CEP126: variants seen among roughly 807,000 people sequenced by gnomAD.
The protein encoded by CEP126 is centrosomal protein of 126 kDa.
A neutral mutation model predicts 107.8 loss-of-function variants in CEP126; 74 were observed. The observed-to-expected ratio is 0.69, with a 90% CI of 0.57 to 0.83. The LOEUF (loss-of-function observed/expected upper bound fraction) is 0.83, where lower values mean the gene tolerates loss of function less well. CEP126 is among the 40% of genes least tolerant of loss of function. The probability of loss-of-function intolerance (pLI) is 0.00; values close to 1 mark genes in which losing one functional copy is unlikely to be tolerated. For synonymous variants in CEP126, 449 were observed against 446.0 expected (o/e 1.01, Z -0.08); for missense variants, 1,237 against 1,281.9 (o/e 0.96, Z 0.53).
At chr11:101,970,839 A>G (rs762766750) in intron 6 of CEP126, among the ~76,000 whole-genome samples, 2 of 152,200 alleles carry the variant, frequency 1.3e-5, no homozygotes, top group African/African-American at 2.4e-5. Flanking sequence ...TAATATTCTT[A>G]CGCCCATTTT....
In CEP126 at chr11:101,987,079, AT is replaced by A. The variant is rs1180962012; in HGVS notation, c.3244+41del. On this transcript the variant is annotated intron_variant, in intron 9 of 10. Transcript: ENST00000263468. ...GAACACCTTTTATAAGAAATACTGCATTTATACTTAGACAATTTTAATTTAA... is the reference window on the plus strand; with the variant it reads ...GAACACCTTTTATAAGAAATACTGCATTATACTTAGACAATTTTAATTTAA... 3 of 1,303,742 alleles carry A rather than the reference AT, an allele frequency of 2.3e-6. No homozygotes were observed. The South Asian group carries it at 3.8e-5, about 17-fold the overall frequency. 80.8% of individuals were successfully genotyped at this position (1,303,742 alleles called of 1,614,324 possible).
chr11:101,970,557 T>C (rs1005291741), intron 6 of CEP126, among the ~76,000 whole-genome samples: 1 of 152,186 alleles, frequency 6.6e-6, no homozygotes, highest in East Asian at 1.9e-4. Context: ...TCCTTTTTTT[T>C]TTTAAGCCAA....
intron 1 of CEP126, among the ~76,000 whole-genome samples, chr11:101,917,813 A>G (rs1940250909): frequency 6.6e-6 from 1 of 152,114 alleles, no homozygotes; most frequent in Non-Finnish European, 1.5e-5. Context: ...TGCCTCAGCC[A>G]CTCAATAACT....
At chr11:101,950,005 T>C (rs568009056) in intron 4 of CEP126, among the ~76,000 whole-genome samples, 1 of 152,252 alleles carries the variant, frequency 6.6e-6, no homozygotes, top group South Asian at 2.1e-4. Context: ...TCTGGTACCT[T>C]CCACTGGCCA....
Position 101,944,379 on chromosome 11 carries a change from C to A in CEP126, c.363C>A (p.Ala121=). The A allele has an allele frequency of 6.2e-7, 1 of 1,611,094 alleles. No individual in the cohort carries two copies. The highest frequency in any genetic ancestry group is 8.5e-7 in the Non-Finnish European group (1 of 1,178,832). ...FEEVTEKFQR[A]HVPLSQRRKA... is the part of the protein sequence containing the mutation. ...AAGTTACTGAAAAATTCCAGCGTGC[C>A]CATGTTCCTCTTTCACAGCGGAGGA... The change falls in exon 3 of 11, where the codon GCC becomes GCA. Residue 121 remains alanine (A), a synonymous_variant. Transcript: ENST00000263468.
chr11:101,985,753 A>C (rs1388568863), intron 8 of CEP126, among the ~76,000 whole-genome samples: 1 of 152,236 alleles, frequency 6.6e-6, no homozygotes, highest in African/African-American at 2.4e-5. Flanking sequence ...GTTGCTCTTC[A>C]GAAGTGTAAA....
At chr11:101,952,078 A>G (rs936895315) in intron 4 of CEP126, among the ~76,000 whole-genome samples, 6 of 152,174 alleles carry the variant, frequency 3.9e-5, no homozygotes, top group African/African-American at 1.4e-4. Context: ...AAGTGGCCCG[A>G]AGTTAGATAG....
intron 4 of CEP126, 25 bp from the exon 5 acceptor site, chr11:101,958,143 A>G (rs1323024531): frequency 6.2e-7 from 1 of 1,600,156 alleles, no homozygotes; most frequent in Non-Finnish European, 8.5e-7. Flanking sequence ...AAATGTACTA[A>G]GCACTTTTTA....
In CEP126 at chr11:102,000,171, G is replaced by A. The variant is rs545980828; in HGVS notation, c.*2528G>A. The A allele has an allele frequency of 5.9e-5, 9 of 151,932 alleles. No individual in the cohort carries two copies. The highest frequency in any genetic ancestry group is 1.0e-4 in the Non-Finnish European group (7 of 67,956). 9.4% of individuals were successfully genotyped at this position (151,932 alleles called of 1,614,324 possible). ...CAGCCTGGCAACAGAGCAAGACTCC[G>A]TCTCACAAAAATGAATAAATAAAAT... is the stretch of plus-strand genomic sequence containing the variant. On this transcript the variant is annotated 3_prime_UTR_variant, in exon 11 of 11. Coordinates refer to ENST00000263468, the MANE Select transcript of CEP126 (RefSeq NM_020802.4).
At chr11:101,973,475 G>C (rs998727449) in intron 6 of CEP126, among the ~76,000 whole-genome samples, 1 of 152,042 alleles carries the variant, frequency 6.6e-6, no homozygotes, top group South Asian at 2.1e-4. Flanking sequence ...ATGAGAACAC[G>C]TGGACACAGG....
chr11:101,981,023 G>A (rs1211202755), intron 7 of CEP126, among the ~76,000 whole-genome samples: 1 of 152,194 alleles, frequency 6.6e-6, no homozygotes, highest in Non-Finnish European at 1.5e-5. Context: ...AAAGAAGGAG[G>A]TAGACCATAT....
intron 2 of CEP126, among the ~76,000 whole-genome samples, chr11:101,926,327 A>T (rs1305399215): frequency 6.6e-6 from 1 of 152,198 alleles, no homozygotes; most frequent in East Asian, 1.9e-4. Flanking sequence ...TAGAGAGAAC[A>T]ATATGTGAAA....
chr11:101,963,456 A>T lies in CEP126; in HGVS notation c.2421A>T (p.Thr807=). The T allele has an allele frequency of 6.2e-7, 1 of 1,614,158 alleles. No homozygotes were observed. Among genetic ancestry groups the T allele is most frequent in the Non-Finnish European group, 8.5e-7 (1 of 1,180,030 alleles). The change falls in exon 6 of 11, where the codon ACA becomes ACT. Residue 807 remains threonine, a synonymous_variant. Coordinates refer to ENST00000263468, the MANE Select transcript of CEP126 (RefSeq NM_020802.4). ...TACCTTGTCCTCCTCCTCAATCTAC[A>T]TCAAATATTAGAAGTGGTAAAAATA... ...LIIPCPPPQS[T]SNIRSGKNIQ...
At chr11:101,954,270 C>A (rs750234551) in intron 4 of CEP126, among the ~76,000 whole-genome samples, 1 of 152,170 alleles carries the variant, frequency 6.6e-6, no homozygotes, top group African/African-American at 2.4e-5. Flanking sequence ...TCGTGATCCA[C>A]CCGCCTCGGC....
Position 101,999,081 on chromosome 11 carries a change from G to A in CEP126, c.*1438G>A, listed in dbSNP as rs1941477875. ...CCTATATTTTTAATTTTAAGAATAG[G>A]ATTTCGGAAGGCGACAGAAAATTTA... On this transcript the variant is annotated 3_prime_UTR_variant, in exon 11 of 11. Coordinates refer to ENST00000263468, the MANE Select transcript of CEP126 (RefSeq NM_020802.4). The A allele has an allele frequency of 6.6e-6, 1 of 152,082 alleles. No individual in the cohort carries two copies. The highest frequency in any genetic ancestry group is 6.6e-5 in the Admixed American group (1 of 15,264). The allele number at this position is 152,082 out of a possible 1,614,324, so 9.4% of individuals were successfully genotyped here.
At chr11:101,961,584 G>A (rs534746644) in intron 5 of CEP126, among the ~76,000 whole-genome samples, 157 bp from the exon 6 acceptor site, 18 of 152,090 alleles carry the variant, frequency 1.2e-4, no homozygotes, top group South Asian at 4.1e-4. Flanking sequence ...CTTGAGGATT[G>A]CTGCAGGGAT....
intron 3 of CEP126, among the ~76,000 whole-genome samples, chr11:101,944,739 A>G (rs1940713153): frequency 6.6e-6 from 1 of 152,150 alleles, no homozygotes; most frequent in African/African-American, 2.4e-5. Flanking sequence ...TTAGTGTCAC[A>G]TTTATTCTAG....
chr11:101,963,930 A>C (rs1941026808), intron 6 of CEP126, 50 bp downstream of exon 6: 1 of 1,224,724 alleles, frequency 8.2e-7, no homozygotes, highest in Non-Finnish European at 1.2e-6. Context: ...ACCTTTGTTA[A>C]AGTCATGTGA....
At position 101,998,251 on chromosome 11, in the gene CEP126, C is replaced by T. The variant is rs1272304807; in HGVS notation, c.*608C>T. 1.3e-5 allele frequency: 2 copies of T among 152,066 alleles called. No individual in the cohort carries two copies. The highest frequency in any genetic ancestry group is 2.4e-5 in the African/African-American group (1 of 41,356). The allele number at this position is 152,066 out of a possible 1,614,324, so 9.4% of individuals were successfully genotyped here. On this transcript the variant is annotated 3_prime_UTR_variant, in exon 11 of 11. Transcript: ENST00000263468. ...TCCAAATTTCATATTTCATACATGG[C>T]ACTTTGGCATACCGAAAAAACATGA...
Sources: allele counts gnomAD v4.1 joint callset (sites outside exome capture counted in the v4.1 genomes callset), GRCh38; gene constraint gnomAD v4.1.1; transcripts MANE v1.5; gene names NCBI Gene and HGNC (gene_info 2026-07-23, HGNC 2026-07-21).